Variants in SPAG16 observed in about 807,000 individuals in gnomAD.
SPAG16 encodes sperm associated antigen 16.
Under a neutral mutation model 80.4 loss-of-function variants are expected in SPAG16, and 86 were observed. The observed-to-expected ratio is 1.07, with a 90% CI of 0.90 to 1.28. The LOEUF (loss-of-function observed/expected upper bound fraction) is 1.28, where lower values mean the gene tolerates loss of function less well. Among genes scored for constraint, SPAG16 ranks in the 50% most tolerant of loss-of-function variants. The probability of loss-of-function intolerance (pLI) is 0.00; values close to 1 mark genes in which losing one functional copy is unlikely to be tolerated. For synonymous variants in SPAG16, 294 were observed against 265.9 expected (o/e 1.11, Z -1.03); for missense variants, 870 against 765.3 (o/e 1.14, Z -1.61).
intron 12 of SPAG16, among the ~76,000 whole-genome samples, chr2:214,006,466 A>G (rs2047029963): frequency 6.6e-6 from 1 of 152,172 alleles, no homozygotes; most frequent in Non-Finnish European, 1.5e-5. Context: ...TCAGTTACCA[A>G]AATAACAAAT....
chr2:213,344,393 T>G (rs2064854347), intron 6 of SPAG16, among the ~76,000 whole-genome samples: 1 of 152,086 alleles, frequency 6.6e-6, no homozygotes, highest in Admixed American at 6.6e-5. Context: ...TCTTTTTTTT[T>G]TGTATTTTAA....
At chr2:214,258,471 G>GTATATATATATATATATA (rs146532641) in intron 15 of SPAG16, among the ~76,000 whole-genome samples, 29 of 141,412 alleles carry the variant, frequency 2.1e-4, no homozygotes, top group South Asian at 4.5e-4. Flanking sequence ...ATGTGTGTGT[G>GTATATATATATATATATA]TATATATATA....
At chr2:214,068,771 C>T (rs1277375327) in intron 13 of SPAG16, among the ~76,000 whole-genome samples, 1 of 152,082 alleles carries the variant, frequency 6.6e-6, no homozygotes, top group African/African-American at 2.4e-5. Context: ...GACTAATGGA[C>T]TTGCCTTTCT....
chr2:213,447,422 G>T lies in SPAG16; in HGVS notation c.943-42541G>T, dbSNP rs185980548. Among the ~76,000 whole-genome samples the T allele has an allele frequency of 3.3e-5, 5 of 152,236 alleles. No individual in the cohort carries two copies. In the East Asian group the frequency reaches 5.8e-4, roughly 18 times the overall value. ...TTTTCTGTCTGTTATCCCCAGTACTGCCCCTCACATCCATGATTCTGAACC... is the reference window on the plus strand; with the variant it reads ...TTTTCTGTCTGTTATCCCCAGTACTTCCCCTCACATCCATGATTCTGAACC... On this transcript the variant is annotated intron_variant, in intron 9 of 15. Transcript: ENST00000331683.
chr2:213,339,867 A>G (rs1330297059), intron 5 of SPAG16, among the ~76,000 whole-genome samples: 2 of 152,132 alleles, frequency 1.3e-5, no homozygotes, highest in Non-Finnish European at 2.9e-5. Flanking sequence ...TTGGAAATAG[A>G]TGGTTTATAC....
chr2:213,673,141 T>G (rs1157111137), intron 10 of SPAG16, among the ~76,000 whole-genome samples: 1 of 152,168 alleles, frequency 6.6e-6, no homozygotes, highest in African/African-American at 2.4e-5. Context: ...ACCCAAAACC[T>G]ACCACACTCA....
At chr2:214,217,777 C>T (rs901794063) in intron 15 of SPAG16, among the ~76,000 whole-genome samples, 2 of 152,182 alleles carry the variant, frequency 1.3e-5, no homozygotes, top group African/African-American at 2.4e-5. Context: ...ATGAAGGAAA[C>T]GGTAATGCCT....
At chr2:214,061,259 T>A (rs2050243052) in intron 13 of SPAG16, among the ~76,000 whole-genome samples, 1 of 152,162 alleles carries the variant, frequency 6.6e-6, no homozygotes. Flanking sequence ...AGCTGAGATA[T>A]GGTGCTGGGA....
intron 10 of SPAG16, among the ~76,000 whole-genome samples, chr2:213,713,870 T>C (rs1410338407): frequency 6.6e-6 from 1 of 152,196 alleles, no homozygotes; most frequent in African/African-American, 2.4e-5. Flanking sequence ...AAAGAAGCTG[T>C]TGAAAGGGGA....
intron 10 of SPAG16, among the ~76,000 whole-genome samples, chr2:213,595,111 AT>A (rs1314872233): frequency 2.0e-5 from 3 of 152,026 alleles, no homozygotes; most frequent in African/African-American, 7.3e-5. Context: ...GGAGAAAAAA[AT>A]AATATTCAAA....
At chr2:213,958,337 G>A (rs1291459209) in intron 12 of SPAG16, among the ~76,000 whole-genome samples, 1 of 152,096 alleles carries the variant, frequency 6.6e-6, no homozygotes, top group Non-Finnish European at 1.5e-5. Flanking sequence ...CTGTCCCATG[G>A]GCAGGTGGTT....
intron 10 of SPAG16, among the ~76,000 whole-genome samples, chr2:213,536,977 G>T (rs1575880633): frequency 6.6e-6 from 1 of 151,954 alleles, no homozygotes; most frequent in Non-Finnish European, 1.5e-5. Flanking sequence ...GGAATACTAT[G>T]CAGCCATAAA....
Position 214,151,073 on chromosome 2 carries a change from C to T in SPAG16, c.1720+1807C>T, listed in dbSNP as rs116358799. 6.6e-3 allele frequency among the ~76,000 whole-genome samples: 1,009 copies of T among 152,160 alleles called. 18 individuals are homozygous for T. The highest frequency in any genetic ancestry group is 0.023 in the African/African-American group (968 of 41,538). ...CAGTCTGAAGGAATATGATTTCAACCTGACCTTCCCATCCCTTTGACCATT... is the reference window on the plus strand; with the variant it reads ...CAGTCTGAAGGAATATGATTTCAACTTGACCTTCCCATCCCTTTGACCATT... On this transcript the variant is annotated intron_variant, in intron 15 of 15. Transcript: ENST00000331683.
intron 10 of SPAG16, among the ~76,000 whole-genome samples, chr2:213,705,044 A>G (rs1438646011): frequency 1.3e-5 from 2 of 152,128 alleles, no homozygotes; most frequent in African/African-American, 4.8e-5. Context: ...TGAGGTCAGG[A>G]GATCGAGACC....
intron 10 of SPAG16, among the ~76,000 whole-genome samples, chr2:213,858,976 T>A (rs962251482): frequency 6.6e-6 from 1 of 151,630 alleles, no homozygotes; most frequent in Non-Finnish European, 1.5e-5. Flanking sequence ...GTCAAAAGTT[T>A]GAGACCAGCC....
chr2:214,012,281 TA>T lies in SPAG16; in HGVS notation c.1401-1669del, dbSNP rs1559689789. Reference sequence around the variant, plus strand: ...TTACATATATATATATATATATATATATATATATTTTTTTTTTTTTTTTTTT... The same window carrying T: ...TTACATATATATATATATATATATATTATATATTTTTTTTTTTTTTTTTTT... On this transcript the variant is annotated intron_variant, in intron 12 of 15. Transcript: ENST00000331683. 6.7e-3 allele frequency among the ~76,000 whole-genome samples: 398 copies of T among 59,166 alleles called. 7 individuals are homozygous for T. The highest frequency in any genetic ancestry group is 0.025 in the African/African-American group (326 of 12,934). 38.8% of individuals were successfully genotyped at this position (59,166 alleles called of 152,430 possible). A position where few individuals can be genotyped will look rare whatever the true frequency, so the allele number is the denominator to read the frequency against.
intron 11 of SPAG16, among the ~76,000 whole-genome samples, chr2:213,901,897 A>G (rs2077236221): frequency 6.6e-6 from 1 of 152,152 alleles, no homozygotes; most frequent in African/African-American, 2.4e-5. Flanking sequence ...TTCTTGTCCT[A>G]TAGAACCATG....
At chr2:214,000,257 A>T (rs957933415) in intron 12 of SPAG16, among the ~76,000 whole-genome samples, 1 of 152,032 alleles carries the variant, frequency 6.6e-6, no homozygotes, top group Non-Finnish European at 1.5e-5. Flanking sequence ...TTTCCCCCAC[A>T]CTGTTCTCAG....
At chr2:213,347,736 C>G (rs2065077988) in intron 6 of SPAG16, among the ~76,000 whole-genome samples, 2 of 152,186 alleles carry the variant, frequency 1.3e-5, no homozygotes, top group African/African-American at 4.8e-5. Context: ...TTTGACTGCA[C>G]TGTGGTCTGA....
Sources: allele counts gnomAD v4.1 joint callset (sites outside exome capture counted in the v4.1 genomes callset), GRCh38; gene constraint gnomAD v4.1.1; transcripts MANE v1.5; gene names NCBI Gene and HGNC (gene_info 2026-07-23, HGNC 2026-07-21).